DGAT2: variants seen among roughly 807,000 people sequenced by gnomAD.
DGAT2 encodes the protein diacylglycerol O-acyltransferase 2.
In DGAT2, 33 loss-of-function variants were observed where a neutral mutation model predicts 48.4. That is an observed-to-expected ratio of 0.68 (90% CI 0.52 to 0.91). The LOEUF is 0.91. Ranked by LOEUF, DGAT2 falls within the 40% of genes least tolerant of loss-of-function variation. DGAT2 has a pLI of 0.00. For missense variants in DGAT2, 446 were observed against 493.7 expected, an observed-to-expected ratio of 0.90 and a Z score of 0.92; for synonymous variants, 191 against 194.1, an observed-to-expected ratio of 0.98 and a Z score of 0.13.
intron 2 of DGAT2, among the ~76,000 whole-genome samples, chr11:75,789,069 C>G (rs910991204): frequency 6.6e-6 from 1 of 152,076 alleles, no homozygotes; most frequent in Non-Finnish European, 1.5e-5. Context: ...AGATTAGTCT[C>G]TCTTATGACC....
Position 75,797,224 on chromosome 11 carries a change from T to C in DGAT2, c.701T>C (p.Ile234Thr), listed in dbSNP as rs199710124. The C allele has an allele frequency of 8.2e-6, 13 of 1,581,146 alleles. No individual in the cohort carries two copies. The East Asian group carries it at 3.1e-4, about 38-fold the overall frequency. The change falls in exon 6 of 8, where the codon ATC (isoleucine) becomes ACC (threonine). Residue 234 changes from isoleucine (I) to threonine (T), a missense_variant. Coordinates refer to ENST00000228027, the MANE Select transcript of DGAT2 (RefSeq NM_032564.5). The stretch of plus-strand genomic sequence containing the variant: ...TCAAAGAATGGGAGTGGCAATGCTA[T>C]CATCATCGTGGTCGGGGGTGCGGCT... The part of the protein sequence containing the change: ...LLSKNGSGNA[I>T]IIVVGGAAES...
chr11:75,777,029 G>C (rs868262404), intron 1 of DGAT2: 1 of 152,406 alleles, frequency 6.6e-6, no homozygotes, highest in Non-Finnish European at 1.5e-5. Flanking sequence ...TCAGCTCTTT[G>C]GGGGTAACTT....
At chr11:75,794,752 C>T (rs935699121) in intron 4 of DGAT2, 6 of 152,070 alleles carry the variant, frequency 3.9e-5, no homozygotes, top group African/African-American at 1.4e-4. Flanking sequence ...ACCCATATAA[C>T]CTCAATTTTG....
chr11:75,798,784 G>T (rs1394914273), intron 7 of DGAT2, among the ~76,000 whole-genome samples: 1 of 152,184 alleles, frequency 6.6e-6, no homozygotes, highest in Non-Finnish European at 1.5e-5. Flanking sequence ...ACCCCAGGGA[G>T]GAGGTAACTC....
intron 4 of DGAT2, among the ~76,000 whole-genome samples, chr11:75,790,951 G>A (rs937794979): frequency 3.2e-4 from 48 of 152,374 alleles, no homozygotes; most frequent in African/African-American, 1.1e-3. Flanking sequence ...GGCTCAGTTT[G>A]GCTTTCAGTC....
rs1565320887 is a variant in DGAT2 at position 75,798,422 on chromosome 11, C to A, written c.1005C>A (p.Thr335=). 1 of 1,612,976 alleles carries A rather than the reference C, an allele frequency of 6.2e-7. No homozygotes were observed. The highest frequency in any genetic ancestry group is 2.2e-5 in the East Asian group (1 of 44,882). Residue 335 remains threonine, a synonymous_variant, in exon 7 of 8, where the codon ACC becomes ACA. Coordinates refer to ENST00000228027, the MANE Select transcript of DGAT2 (RefSeq NM_032564.5). ...TGGTGCCCTACTCCAAGCCCATCAC[C>A]ACTGTTGGTAAGCCCCTAGCCTGCA... ...WGLVPYSKPI[T]TVVGEPITIP... is the part of the protein sequence containing the mutation.
chr11:75,773,012 C>T (rs1398292507), intron 1 of DGAT2, among the ~76,000 whole-genome samples: 3 of 152,146 alleles, frequency 2.0e-5, no homozygotes, highest in Non-Finnish European at 2.9e-5. Context: ...AAAGAACAAA[C>T]AGAAAAAGAA....
chr11:75,795,295 G>A (rs1466839439), intron 4 of DGAT2: 1 of 152,144 alleles, frequency 6.6e-6, no homozygotes, highest in Non-Finnish European at 1.5e-5. Context: ...AAAGTGTTGG[G>A]ATAACAGGCA....
At chr11:75,791,353 T>C (rs1460669816) in intron 4 of DGAT2, among the ~76,000 whole-genome samples, 1 of 152,218 alleles carries the variant, frequency 6.6e-6, no homozygotes, top group East Asian at 1.9e-4. Context: ...GGCCAGCTCC[T>C]TCTGCTCATC....
At chr11:75,772,107 C>T (rs747530512) in intron 1 of DGAT2, among the ~76,000 whole-genome samples, 1 of 152,190 alleles carries the variant, frequency 6.6e-6, no homozygotes, top group African/African-American at 2.4e-5. Context: ...GAGTGCAGGG[C>T]TCTGTGCATT....
intron 4 of DGAT2, 133 bp downstream of exon 4, chr11:75,790,864 C>T: frequency 1.1e-6 from 1 of 873,880 alleles, no homozygotes; most frequent in Non-Finnish European, 1.9e-6. Flanking sequence ...GTGTCACTGG[C>T]TGTGCTGGGG....
chr11:75,773,112 T>TA (rs776737690), intron 1 of DGAT2, among the ~76,000 whole-genome samples: 85 of 152,322 alleles, frequency 5.6e-4, no homozygotes, highest in South Asian at 1.2e-3. Flanking sequence ...AGGTACTTAG[T>TA]AAGTATCTGT....
chr11:75,798,731 G>A (rs1945082561), intron 7 of DGAT2, among the ~76,000 whole-genome samples: 3 of 152,186 alleles, frequency 2.0e-5, no homozygotes, highest in African/African-American at 7.2e-5. Flanking sequence ...ACTAGTGGGG[G>A]AATGTGATGA....
Position 75,790,652 on chromosome 11 carries a change from C to A in DGAT2, c.359-9C>A, listed in dbSNP as rs767367679. 6.2e-7 allele frequency: 1 copy of A among 1,613,416 alleles called. No homozygotes were observed. On this transcript the variant is annotated splice_polypyrimidine_tract_variant and intron_variant, in intron 3 of 7. Coordinates refer to ENST00000228027, the MANE Select transcript of DGAT2 (RefSeq NM_032564.5). ...ACCCCCACCAACTCTGTATTTTATT[C>A]CCTGGAAGGTGGCAGGAGGTCACAG...
At chr11:75,798,475 G>C (rs765018580) in intron 7 of DGAT2, 46 bp downstream of exon 7, 6 of 1,596,506 alleles carry the variant, frequency 3.8e-6, no homozygotes, top group Non-Finnish European at 5.1e-6. Context: ...AACACAGGGT[G>C]CCATACAGCT....
In DGAT2 at chr11:75,790,680, G is replaced by A; in HGVS notation, c.378G>A (p.Trp126Ter). 6.2e-7 allele frequency: 1 copy of A among 1,614,056 alleles called. No homozygotes were observed. Among genetic ancestry groups the A allele is most frequent in the Non-Finnish European group, 8.5e-7 (1 of 1,180,018 alleles). The change falls in exon 4 of 8, where the codon TGG becomes TGA. Residue 126 changes from tryptophan to a stop codon, truncating the protein, a stop_gained. Coordinates refer to ENST00000228027, the MANE Select transcript of DGAT2 (RefSeq NM_032564.5). LOFTEE classifies it high-confidence loss of function. ...TPKKGGRRSQ[W>*]VRNWAVWRYF... ...TGGAAGGTGGCAGGAGGTCACAGTG[G>A]GTCCGAAACTGGGCTGTGTGGCGCT...
intron 7 of DGAT2, among the ~76,000 whole-genome samples, chr11:75,799,077 C>G (rs1407648147): frequency 6.6e-6 from 1 of 152,142 alleles, no homozygotes; most frequent in Non-Finnish European, 1.5e-5. Flanking sequence ...ATGGATCCCC[C>G]AGGAGCACAT....
Position 75,768,983 on chromosome 11 carries a change from G to C in DGAT2, c.-9G>C, listed in dbSNP as rs753133684. 5.3e-6 allele frequency: 8 copies of C among 1,522,304 alleles called. No individual in the cohort carries two copies. In the East Asian group the frequency reaches 2.1e-4, roughly 40 times the overall value. The allele number at this position is 1,522,304 out of a possible 1,614,324, so 94.3% of individuals were successfully genotyped here. A position where few individuals can be genotyped will look rare whatever the true frequency, so the allele number is the denominator to read the frequency against. On this transcript the variant is annotated 5_prime_UTR_variant, in exon 1 of 8. Coordinates refer to ENST00000228027, the MANE Select transcript of DGAT2 (RefSeq NM_032564.5). ...TTCCCGCGGGGCCGTGACTGGGCGGGCTTCAGCCATGAAGACCCTCATAGC... is the reference window on the plus strand; with the variant it reads ...TTCCCGCGGGGCCGTGACTGGGCGGCCTTCAGCCATGAAGACCCTCATAGC...
intron 1 of DGAT2, among the ~76,000 whole-genome samples, chr11:75,779,530 C>T (rs1042994905): frequency 1.1e-4 from 17 of 152,142 alleles, no homozygotes; most frequent in South Asian, 4.1e-4. Flanking sequence ...TGCTGTGGGA[C>T]GGTGAAGCCC....
Sources: allele counts gnomAD v4.1 joint callset (sites outside exome capture counted in the v4.1 genomes callset), GRCh38; gene constraint gnomAD v4.1.1; transcripts MANE v1.5; gene names NCBI Gene and HGNC (gene_info 2026-07-23, HGNC 2026-07-21).